Variants in CD3G observed in about 807,000 individuals in gnomAD.
CD3G encodes the protein CD3 gamma subunit of T-cell receptor complex.
A neutral mutation model predicts 28.3 loss-of-function variants in CD3G; 24 were observed. That is an observed-to-expected ratio of 0.85 (90% confidence interval 0.61 to 1.19). The LOEUF (loss-of-function observed/expected upper bound fraction) is 1.19. Ranked by LOEUF, CD3G falls within the 50% of genes most tolerant of loss-of-function variation. The pLI is 0.00. For missense variants in CD3G, 211 were observed against 210.0 expected, an observed-to-expected ratio of 1.00 and a Z score of -0.03; for synonymous variants, 71 against 75.9, an observed-to-expected ratio of 0.93 and a Z score of 0.34.
In CD3G at chr11:118,353,908, CCCTT is replaced by C. The variant is rs1208569998; in HGVS notation, c.*811_*814del. 1 of 152,154 alleles carries C rather than the reference CCCTT, an allele frequency of 6.6e-6. No individual in the cohort carries two copies. Among genetic ancestry groups the C allele is most frequent in the East Asian group, 1.9e-4 (1 of 5,200 alleles). 9.4% of individuals were successfully genotyped at this position (152,154 alleles called of 1,614,324 possible). A position where few individuals can be genotyped will look rare whatever the true frequency, so the allele number is the denominator to read the frequency against. On this transcript the variant is annotated 3_prime_UTR_variant, in exon 7 of 7. Coordinates refer to ENST00000532917, the MANE Select transcript of CD3G (RefSeq NM_000073.3). ...CACATTCTCAAGTACATATTATCCT[CCCTT>C]CCCCTATCTTTTAGACAAATGATAT...
chr11:118,349,364 T>C, intron 2 of CD3G: 1 of 1,154,976 alleles, frequency 8.7e-7, no homozygotes, highest in Non-Finnish European at 1.2e-6. Context: ...TCTCTGTCAA[T>C]CCTTCTCTTT....
At chr11:118,351,721 A>G (rs1948411609) in intron 5 of CD3G, 50 bp downstream of exon 5, 2 of 1,560,578 alleles carry the variant, frequency 1.3e-6, no homozygotes, top group African/African-American at 2.7e-5. Flanking sequence ...GTGGGGGTAA[A>G]TCTTTGGGAT....
intron 4 of CD3G, 59 bp from the exon 5 acceptor site, chr11:118,351,569 A>C (rs1196887507): frequency 3.7e-5 from 56 of 1,532,528 alleles, no homozygotes; most frequent in Non-Finnish European, 4.8e-5. Flanking sequence ...CATTTTGTGA[A>C]TATAACCCAA....
At chr11:118,345,894 C>A (rs1236670472) in intron 1 of CD3G, among the ~76,000 whole-genome samples, 1 of 152,112 alleles carries the variant, frequency 6.6e-6, no homozygotes, top group Non-Finnish European at 1.5e-5. Context: ...GGTTGGGAGA[C>A]TTGAAGAGGA....
chr11:118,348,422 G>A (rs1948375585), intron 1 of CD3G, among the ~76,000 whole-genome samples: 1 of 152,086 alleles, frequency 6.6e-6, no homozygotes. Context: ...AATGAAAAGG[G>A]CAAGGTCTAG....
chr11:118,345,773 G>A (rs754981713), intron 1 of CD3G, among the ~76,000 whole-genome samples: 2 of 152,110 alleles, frequency 1.3e-5, no homozygotes, highest in Non-Finnish European at 2.9e-5. Flanking sequence ...CCACAAATAG[G>A]TTTATAAAGG....
intron 2 of CD3G, chr11:118,349,524 T>G (rs1948386042): frequency 8.0e-6 from 5 of 626,830 alleles, no homozygotes; most frequent in Middle Eastern, 7.9e-4. Context: ...CTTCACCCCC[T>G]GACGCAGATA....
intron 5 of CD3G, among the ~76,000 whole-genome samples, 154 bp from the exon 6 acceptor site, chr11:118,352,250 A>G (rs2062964267): frequency 6.6e-6 from 1 of 151,996 alleles, no homozygotes; most frequent in Admixed American, 6.6e-5. Context: ...AAAAGAAAAA[A>G]GACAGAGCCT....
chr11:118,344,967 C>T (rs1024368305), intron 1 of CD3G, among the ~76,000 whole-genome samples: 8 of 152,190 alleles, frequency 5.3e-5, no homozygotes, highest in African/African-American at 1.9e-4. Flanking sequence ...CTCATAGTCT[C>T]ATTGGAGAGA....
At chr11:118,352,677 T>C (rs1455368345) in intron 6 of CD3G, among the ~76,000 whole-genome samples, 190 bp downstream of exon 6, 1 of 152,208 alleles carries the variant, frequency 6.6e-6, no homozygotes, top group Non-Finnish European at 1.5e-5. Context: ...CCTAGGTAAA[T>C]ATGAATTTTA....
Position 118,349,941 on chromosome 11 carries a change from A to G in CD3G, c.278A>G (p.Lys93Arg). 1.2e-6 allele frequency: 2 copies of G among 1,614,086 alleles called. No homozygotes were observed. Among genetic ancestry groups the G allele is most frequent in the Non-Finnish European group, 1.7e-6 (2 of 1,179,940 alleles). The stretch of plus-strand genomic sequence containing the variant: ...TATCAGTGTAAAGGATCACAGAACA[A>G]GTCAAAACCACTCCAAGTGTATTAC... ...GMYQCKGSQN[K>R]SKPLQVYYRM... Residue 93 changes from lysine (K) to arginine (R), a missense_variant, in exon 3 of 7, where the codon AAG (lysine) becomes AGG (arginine). By Grantham distance (26) the Lys-to-Arg change is conservative. Transcript: ENST00000532917.
At chr11:118,346,428 C>T (rs543098969) in intron 1 of CD3G, among the ~76,000 whole-genome samples, 111 of 151,254 alleles carry the variant, frequency 7.3e-4, no homozygotes, top group African/African-American at 2.6e-3. Context: ...CAGAGTGAGA[C>T]TCCGTCTCAA....
rs201786349 is a variant in CD3G at position 118,344,479 on chromosome 11, G to T, written c.55+1G>T. 19 of 1,564,264 alleles carry T rather than the reference G, an allele frequency of 1.2e-5. No homozygotes were observed. The highest frequency in any genetic ancestry group is 1.6e-5 in the Non-Finnish European group (18 of 1,153,498). ...ATCCTGGCTATCATTCTTCTTCAAGGTAAGGGCCTACTAGGGGTCTGGAAG... is the reference window on the plus strand; with the variant it reads ...ATCCTGGCTATCATTCTTCTTCAAGTTAAGGGCCTACTAGGGGTCTGGAAG... On this transcript the variant is annotated splice_donor_variant, in intron 1 of 6. Transcript: ENST00000532917. LOFTEE classifies it high-confidence loss of function.
intron 3 of CD3G, 200 bp downstream of exon 3, chr11:118,350,170 A>G: frequency 1.6e-6 from 1 of 608,718 alleles, no homozygotes; most frequent in Non-Finnish European, 2.9e-6. Flanking sequence ...AGTCCTGTAA[A>G]ATTTTGTTTA....
At chr11:118,348,904 T>C in intron 1 of CD3G, 123 bp from the exon 2 acceptor site, 1 of 1,081,392 alleles carries the variant, frequency 9.2e-7, no homozygotes. Flanking sequence ...TAAGTATAGA[T>C]ACTACCATTT....
At chr11:118,351,541 T>C in intron 4 of CD3G, 87 bp from the exon 5 acceptor site, 1 of 1,234,342 alleles carries the variant, frequency 8.1e-7, no homozygotes, top group South Asian at 1.2e-5. Flanking sequence ...ATAAAACTCT[T>C]ATTGTTATTT....
intron 4 of CD3G, 36 bp downstream of exon 4, chr11:118,350,719 C>G: frequency 1.2e-6 from 2 of 1,613,208 alleles, no homozygotes; most frequent in Non-Finnish European, 1.7e-6. Flanking sequence ...ATGGGACCAC[C>G]TGAGACCCTC....
rs750149452 is a variant in CD3G, at chr11:118,349,766, G to C, written c.103G>C (p.Asp35His). The C allele has an allele frequency of 1.9e-6, 3 of 1,613,854 alleles. No individual in the cohort carries two copies. The highest frequency in any genetic ancestry group is 1.7e-6 in the Non-Finnish European group (2 of 1,179,886). The change falls in exon 3 of 7, where the codon GAC becomes CAC. Residue 35 changes from aspartate to histidine, a missense_variant. By Grantham distance (81) the Asp-to-His change is moderately conservative. Transcript: ENST00000532917. ...AGGAAACCACTTGGTTAAGGTGTAT[G>C]ACTATCAAGAAGATGGTTCGGTACT... ...IKGNHLVKVYDYQEDGSVLLT... is the reference protein window; with the variant it reads ...IKGNHLVKVYHYQEDGSVLLT...
chr11:118,347,271 C>A (rs1948365562), intron 1 of CD3G, among the ~76,000 whole-genome samples: 1 of 152,214 alleles, frequency 6.6e-6, no homozygotes, highest in African/African-American at 2.4e-5. Context: ...GCTTACTCTT[C>A]AAGGCCCAGA....
Sources: gnomAD v4.1 joint callset for allele counts (sites outside exome capture counted in the v4.1 genomes callset) on GRCh38, gnomAD v4.1.1 for gene constraint, MANE v1.5 for transcripts, NCBI Gene and HGNC (gene_info 2026-07-23, HGNC 2026-07-21) for gene names.